KANSL1: variants seen among roughly 807,000 people sequenced by gnomAD.
KANSL1 encodes the protein MLL1/MLL complex subunit KANSL1.
Under a neutral mutation model 103.6 loss-of-function variants are expected in KANSL1, and 22 were observed. That is an observed-to-expected ratio of 0.21 (90% CI 0.15 to 0.30). The LOEUF (loss-of-function observed/expected upper bound fraction) is 0.30. Among genes scored for constraint, KANSL1 ranks in the 10% least tolerant of loss-of-function variants. The pLI is 1.00. For missense variants in KANSL1, 1,337 were observed against 1,399.8 expected (o/e 0.96, Z 0.72); for synonymous variants, 600 against 527.6 (o/e 1.14, Z -1.88).
chr17:46,084,697 T>TAAAAA (rs67108405), intron 3 of KANSL1, among the ~76,000 whole-genome samples: 176 of 74,498 alleles, frequency 2.4e-3, no homozygotes, highest in Non-Finnish European at 3.0e-3. Context: ...TTTTAAAAAT[T>TAAAAA]AAAAAAAAAA....
chr17:46,193,768 C>T (rs1308639833), upstream of KANSL1: 1 of 174,378 alleles, frequency 5.7e-6, no homozygotes, highest in African/African-American at 2.4e-5. Context: ...CTGACGCCGT[C>T]ACATGCCCTC....
At chr17:46,155,868 G>A (rs963236271) in intron 2 of KANSL1, among the ~76,000 whole-genome samples, 3 of 152,076 alleles carry the variant, frequency 2.0e-5, no homozygotes, top group South Asian at 2.1e-4. Flanking sequence ...AGGAGTCTTC[G>A]GCTGTAGTAA....
rs1382568250 is a variant in KANSL1, at chr17:46,066,684, A to G, written c.1701T>C (p.Ala567=). 3 of 1,614,202 alleles carry G rather than the reference A, an allele frequency of 1.9e-6. No individual in the cohort carries two copies. The highest frequency in any genetic ancestry group is 2.5e-6 in the Non-Finnish European group (3 of 1,180,024). Residue 567 remains alanine, a synonymous_variant, in exon 6 of 15, where the codon GCT becomes GCC. Coordinates refer to ENST00000432791, the MANE Select transcript of KANSL1 (RefSeq NM_015443.4). ...GTTGCTTCTTATGTAATTGTTCCTC[A>G]GCATCAGAGCTGTCACCTGGAATGT... ...ADHIPGDSSD[A]EEQLHKKQRL... is the part of the protein sequence containing the mutation.
At chr17:46,188,289 G>C (rs2047127077) in intron 1 of KANSL1, among the ~76,000 whole-genome samples, 1 of 152,234 alleles carries the variant, frequency 6.6e-6, no homozygotes. Flanking sequence ...TGGTTCAACT[G>C]AGTTTTGATC....
chr17:46,067,714 C>T (rs778088663), intron 4 of KANSL1, 47 bp from the exon 5 acceptor site: 3 of 968,826 alleles, frequency 3.1e-6, no homozygotes, highest in Non-Finnish European at 5.0e-6. Context: ...CCCAAGCGCA[C>T]CCCTGCCTGA....
intron 2 of KANSL1, among the ~76,000 whole-genome samples, chr17:46,130,018 T>G (rs1408013667): frequency 6.6e-6 from 1 of 151,564 alleles, no homozygotes; most frequent in Non-Finnish European, 1.5e-5. Flanking sequence ...AAATCCCATC[T>G]CTACTAAAAA....
intron 2 of KANSL1, among the ~76,000 whole-genome samples, chr17:46,160,571 GGA>G (rs1180731166): frequency 6.6e-6 from 1 of 152,192 alleles, no homozygotes; most frequent in Non-Finnish European, 1.5e-5. Context: ...TGGAATTACA[GGA>G]GAGAGGCATC....
chr17:46,203,249 G>T (rs549892941), intron 1 of KANSL1, among the ~76,000 whole-genome samples: 4 of 152,078 alleles, frequency 2.6e-5, no homozygotes, highest in Non-Finnish European at 5.9e-5. Context: ...CAAAAAAAAA[G>T]AAAGAAATCC....
intron 10 of KANSL1, chr17:46,037,800 A>G (rs2077193501): frequency 6.6e-6 from 1 of 152,254 alleles, no homozygotes; most frequent in African/African-American, 2.4e-5. Context: ...GGACCCTTTG[A>G]GTAGGTCCAT....
intron 7 of KANSL1, chr17:46,040,335 A>T (rs923835553): frequency 6.4e-6 from 1 of 156,230 alleles, no homozygotes; most frequent in Non-Finnish European, 1.4e-5. Context: ...TCCAAATAAG[A>T]ACTACATACC....
chr17:46,032,879 G>T (rs2077047704), intron 13 of KANSL1, among the ~76,000 whole-genome samples: 1 of 152,182 alleles, frequency 6.6e-6, no homozygotes, highest in African/African-American at 2.4e-5. Flanking sequence ...CTAGCACTTG[G>T]CTCCTTATAT....
At chr17:46,183,859 G>GCTGAGATGGCACCACTGCA (rs1555582086) in intron 1 of KANSL1, among the ~76,000 whole-genome samples, 1 of 152,176 alleles carries the variant, frequency 6.6e-6, no homozygotes, top group African/African-American at 2.4e-5. Context: ...GCTGCAGTGA[G>GCTGAGATGGCACCACTGCA]CTGAGATGGC....
intron 2 of KANSL1, among the ~76,000 whole-genome samples, chr17:46,148,711 T>C (rs1458345179): frequency 7.3e-5 from 11 of 151,114 alleles, no homozygotes; most frequent in Admixed American, 7.2e-4. Flanking sequence ...CTCAGCCTCC[T>C]GAACAGCTGG....
Position 46,171,089 on chromosome 17 carries a change from G to GC in KANSL1, c.1054dup (p.Ala352GlyfsTer9). 1 of 1,614,166 alleles carries GC rather than the reference G, an allele frequency of 6.2e-7. No homozygotes were observed. On this transcript the variant is annotated frameshift_variant, in exon 2 of 15. Transcript: ENST00000432791. LOFTEE classifies it high-confidence loss of function. The stretch of plus-strand genomic sequence containing the variant: ...CTCACTGGCAGCTTTTCTCAAGGCA[G>GC]CTTCAGCCTTTCGAGTCAGCATCAA...
chr17:46,056,429 G>T (rs567179028), intron 6 of KANSL1, among the ~76,000 whole-genome samples: 5 of 151,224 alleles, frequency 3.3e-5, no homozygotes, highest in South Asian at 4.2e-4. Context: ...CCTTGACTCC[G>T]CCACTTACTA....
intron 2 of KANSL1, among the ~76,000 whole-genome samples, chr17:46,138,665 T>C (rs569182925): frequency 6.6e-6 from 1 of 152,362 alleles, no homozygotes; most frequent in South Asian, 2.1e-4. Context: ...TTCAGTTCTG[T>C]AAATCAACAG....
intron 11 of KANSL1, 90 bp from the exon 12 acceptor site, chr17:46,033,550 G>C (rs527887457): frequency 1.9e-6 from 2 of 1,039,454 alleles, no homozygotes; most frequent in African/African-American, 1.6e-5. Flanking sequence ...TGAGAATCCT[G>C]CACCTGTGGG....
At chr17:46,162,295 A>AG (rs2045783228) in intron 2 of KANSL1, among the ~76,000 whole-genome samples, 1 of 152,194 alleles carries the variant, frequency 6.6e-6, no homozygotes, top group African/African-American at 2.4e-5. Flanking sequence ...ATGTTTAGGG[A>AG]GGTGGGGAAA....
At chr17:46,186,000 T>G (rs2047014152) in intron 1 of KANSL1, among the ~76,000 whole-genome samples, 1 of 152,166 alleles carries the variant, frequency 6.6e-6, no homozygotes, top group African/African-American at 2.4e-5. Context: ...CTTTTTATCA[T>G]ATCTCTTTCC....
Sources: gnomAD v4.1 joint callset for allele counts (sites outside exome capture counted in the v4.1 genomes callset) on GRCh38, gnomAD v4.1.1 for gene constraint, MANE v1.5 for transcripts, NCBI Gene and HGNC (gene_info 2026-07-23, HGNC 2026-07-21) for gene names.